The following CSPP1 variants were observed in gnomAD, a reference collection of about 807,000 sequenced individuals.
CSPP1 encodes centrosome and spindle pole-associated protein 1.
In CSPP1, 126 loss-of-function variants were observed where a neutral mutation model predicts 164.4. The observed-to-expected ratio is 0.77, with a 90% CI of 0.66 to 0.89. The LOEUF is 0.89. CSPP1 is among the 40% of genes least tolerant of loss of function. The probability of loss-of-function intolerance (pLI) is 0.00; values close to 1 mark genes in which losing one functional copy is unlikely to be tolerated. For missense variants in CSPP1, 1,395 were observed against 1,449.8 expected, an observed-to-expected ratio of 0.96 and a Z score of 0.61; for synonymous variants, 472 against 476.7, an observed-to-expected ratio of 0.99 and a Z score of 0.13.
At chr8:67,079,752 TG>T (rs1268673960) in intron 3 of CSPP1, among the ~76,000 whole-genome samples, 4 of 152,248 alleles carry the variant, frequency 2.6e-5, no homozygotes, top group Admixed American at 2.0e-4. Context: ...CTAGAGGATT[TG>T]TTCTCCTCTT....
chr8:67,159,834 CTT>C (rs1172983509), intron 21 of CSPP1, among the ~76,000 whole-genome samples: 2 of 127,308 alleles, frequency 1.6e-5, no homozygotes, highest in African/African-American at 7.5e-5. Flanking sequence ...CTCTCTCTTT[CTT>C]TCTTTCTTTC....
chr8:67,152,850 T>G (rs111684425), intron 18 of CSPP1, among the ~76,000 whole-genome samples: 5,443 of 152,302 alleles, frequency 0.036, 204 homozygotes, highest in African/African-American at 0.082. Flanking sequence ...AAAATAGACC[T>G]GAGTGGTAGC....
rs777535155 is a variant in CSPP1 at position 67,179,905 on chromosome 8, G to A, written c.3199G>A (p.Glu1067Lys). 2 of 1,582,294 alleles carry A rather than the reference G, an allele frequency of 1.3e-6. No homozygotes were observed. The highest frequency in any genetic ancestry group is 2.2e-5 in the South Asian group (2 of 90,226). The change falls in exon 28 of 31, where the codon GAA becomes AAA. Residue 1067 changes from glutamate to lysine, a missense_variant. Glu to Lys is a moderately conservative substitution (Grantham distance 56). Coordinates refer to ENST00000678616, the MANE Select transcript of CSPP1 (RefSeq NM_001382391.1). The stretch of plus-strand genomic sequence containing the variant: ...TGATTTCTTGAAAAACTCATTATTG[G>A]AATCTGATAGTGCTTTTATTGGTGA... ...TSDFLKNSLL[E>K]SDSAFIGAYG... is the part of the protein sequence containing the mutation.
At chr8:67,077,755 G>A (rs1808269194) in intron 3 of CSPP1, among the ~76,000 whole-genome samples, 1 of 152,196 alleles carries the variant, frequency 6.6e-6, no homozygotes. Context: ...CAAATGGACA[G>A]CTTTTCATGG....
intron 30 of CSPP1, among the ~76,000 whole-genome samples, 190 bp downstream of exon 30, chr8:67,193,792 T>TATCA (rs748783822): frequency 4.6e-5 from 7 of 152,250 alleles, no homozygotes; most frequent in African/African-American, 1.4e-4. Context: ...AGATTTTCTC[T>TATCA]ATCAGAGAGG....
chr8:67,102,013 A>T (rs952684398), intron 7 of CSPP1, among the ~76,000 whole-genome samples: 17 of 152,326 alleles, frequency 1.1e-4, no homozygotes, highest in African/African-American at 3.1e-4. Flanking sequence ...ATTAAGCTAA[A>T]AATAAAATCA....
intron 21 of CSPP1, among the ~76,000 whole-genome samples, chr8:67,159,954 CTTCTTTCTTTTCTTTTCT>C (rs1378934426): frequency 3.2e-5 from 1 of 31,432 alleles, no homozygotes; most frequent in Non-Finnish European, 5.6e-5. Flanking sequence ...TCCTTCCTTC[CTTCTTTCTTTTCTTTTCT>C]TTTCTTTTCT....
chr8:67,131,830 G>C, intron 15 of CSPP1, 121 bp from the exon 16 acceptor site: 1 of 867,120 alleles, frequency 1.2e-6, no homozygotes. Context: ...TTGGCCTATA[G>C]AGAAATATCC....
chr8:67,092,691 C>T (rs1441727359), intron 5 of CSPP1, among the ~76,000 whole-genome samples: 1 of 152,194 alleles, frequency 6.6e-6, no homozygotes, highest in South Asian at 2.1e-4. Flanking sequence ...GATCCACCCG[C>T]CTCAGCCTCC....
intron 8 of CSPP1, among the ~76,000 whole-genome samples, chr8:67,104,966 A>ATT (rs1166551719): frequency 2.9e-3 from 173 of 60,552 alleles, no homozygotes; most frequent in East Asian, 6.6e-3. Context: ...ATATATATAT[A>ATT]TTTTTTTTTT....
At chr8:67,168,218 G>A (rs1479830133) in intron 24 of CSPP1, among the ~76,000 whole-genome samples, 1 of 151,896 alleles carries the variant, frequency 6.6e-6, no homozygotes, top group Non-Finnish European at 1.5e-5. Flanking sequence ...AATCAGGCAG[G>A]GAGGTTGCAG....
Position 67,195,839 on chromosome 8 carries a change from CTGGAT to C in CSPP1, c.*249_*253del, listed in dbSNP as rs527802680. On this transcript the variant is annotated 3_prime_UTR_variant, in exon 31 of 31. Coordinates refer to ENST00000678616, the MANE Select transcript of CSPP1 (RefSeq NM_001382391.1). ...TGTCATAAATTAGGGTGGTAATGAA[CTGGAT>C]TGAACTACTATATGTGCATTATATT... The C allele has an allele frequency of 1.1e-5, 5 of 447,928 alleles. No homozygotes were observed. The highest frequency in any genetic ancestry group is 2.0e-5 in the Non-Finnish European group (5 of 247,534). 27.7% of individuals were successfully genotyped at this position (447,928 alleles called of 1,614,324 possible).
At chr8:67,121,638 T>C (rs987827586) in intron 15 of CSPP1, among the ~76,000 whole-genome samples, 3 of 152,190 alleles carry the variant, frequency 2.0e-5, no homozygotes, top group African/African-American at 7.2e-5. Context: ...CCTTATACTG[T>C]CTAGCTTTGG....
intron 18 of CSPP1, 46 bp from the exon 19 acceptor site, chr8:67,153,978 C>G (rs1826194934): frequency 5.1e-6 from 4 of 780,864 alleles, no homozygotes; most frequent in Non-Finnish European, 8.7e-6. Flanking sequence ...GTTAAATTTT[C>G]TAAGCATTGG....
intron 2 of CSPP1, chr8:67,074,780 T>C: frequency 3.2e-6 from 1 of 316,600 alleles, no homozygotes; most frequent in Non-Finnish European, 6.0e-6. Context: ...TTTCTTAAAA[T>C]AATTGCTTTT....
chr8:67,194,984 T>TAA (rs536803405), intron 30 of CSPP1, among the ~76,000 whole-genome samples: 6 of 151,982 alleles, frequency 3.9e-5, no homozygotes, highest in Non-Finnish European at 8.8e-5. Context: ...TTAAAAAAAA[T>TAA]AAAAAGAAAA....
chr8:67,175,607 G>A, intron 26 of CSPP1, 171 bp downstream of exon 26: 1 of 748,622 alleles, frequency 1.3e-6, no homozygotes, highest in Non-Finnish European at 2.4e-6. Context: ...ATGAGAGAGA[G>A]CTCTGAGTGG....
chr8:67,083,548 A>AAATAT (rs1332248754), intron 3 of CSPP1: 162 of 91,474 alleles, frequency 1.8e-3, no homozygotes, highest in East Asian at 0.01. Context: ...AAAAAAAAAA[A>AAATAT]ATATATATAT....
chr8:67,189,399 T>G (rs953788133), intron 28 of CSPP1, among the ~76,000 whole-genome samples: 7 of 152,208 alleles, frequency 4.6e-5, no homozygotes, highest in African/African-American at 1.7e-4. Flanking sequence ...TAAAGTGTGG[T>G]ACATCCAGAC....
Sources: allele counts gnomAD v4.1 joint callset (sites outside exome capture counted in the v4.1 genomes callset), GRCh38; gene constraint gnomAD v4.1.1; transcripts MANE v1.5; gene names NCBI Gene and HGNC (gene_info 2026-07-23, HGNC 2026-07-21).